RANBP2: variants seen among roughly 807,000 people sequenced by gnomAD.
RANBP2 encodes E3 SUMO-protein ligase RanBP2.
In RANBP2, 57 loss-of-function variants were observed where a neutral mutation model predicts 303.6. The ratio of observed to expected loss-of-function variants is 0.19; its 90% CI spans 0.15 to 0.23. The LOEUF is 0.23. RANBP2 is among the 10% of genes least tolerant of loss of function. The probability of loss-of-function intolerance (pLI) is 1.00; values close to 1 mark genes in which losing one functional copy is unlikely to be tolerated. For synonymous variants in RANBP2, 1,167 were observed against 1,301.5 expected (o/e 0.90, Z 2.23); for missense variants, 3,138 against 3,780.8 (o/e 0.83, Z 4.46).
At chr2:109,525,691 G>C in the RANBP2 span, among the ~76,000 whole-genome samples, 74 of 152,322 alleles carry the variant, frequency 4.9e-4, no homozygotes, top group African/African-American at 1.8e-3. Flanking sequence ...CCCATTTGTT[G>C]TAAGATGCCA....
chr2:109,659,526 G>T, the RANBP2 span, among the ~76,000 whole-genome samples: 2 of 152,234 alleles, frequency 1.3e-5, no homozygotes, highest in Admixed American at 1.3e-4. Flanking sequence ...TCAGTGGTTC[G>T]CATGGACGGT....
the RANBP2 span, among the ~76,000 whole-genome samples, chr2:109,608,765 A>G: frequency 6.6e-6 from 1 of 152,226 alleles, no homozygotes; most frequent in Non-Finnish European, 1.5e-5. Context: ...TAGTAGATAC[A>G]AATCCTAAAA....
At chr2:109,376,890 G>A in the RANBP2 span, among the ~76,000 whole-genome samples, 1 of 152,208 alleles carries the variant, frequency 6.6e-6, no homozygotes, top group Non-Finnish European at 1.5e-5. Flanking sequence ...AGTTTCCATG[G>A]TGAACAGTGA....
At chr2:108,892,117 C>T in the RANBP2 span, among the ~76,000 whole-genome samples, 1 of 152,064 alleles carries the variant, frequency 6.6e-6, no homozygotes, top group African/African-American at 2.4e-5. Context: ...GGGATGATGG[C>T]AGCTGTGCTA....
At chr2:109,243,141 C>G in the RANBP2 span, among the ~76,000 whole-genome samples, 14 of 152,370 alleles carry the variant, frequency 9.2e-5, no homozygotes, top group African/African-American at 3.4e-4. Flanking sequence ...TGGGAGCAGG[C>G]TATTGCCTTG....
chr2:109,630,064 G>A, the RANBP2 span, among the ~76,000 whole-genome samples: 21 of 152,238 alleles, frequency 1.4e-4, no homozygotes, highest in African/African-American at 4.8e-4. Context: ...ATGTGGGCTA[G>A]ACAGACAAAG....
the RANBP2 span, among the ~76,000 whole-genome samples, chr2:109,507,301 T>A: frequency 1.3e-5 from 2 of 152,186 alleles, no homozygotes; most frequent in African/African-American, 4.8e-5. Flanking sequence ...CGTCTTGGAA[T>A]CGGTCAGGAC....
At chr2:109,654,749 A>C in the RANBP2 span, among the ~76,000 whole-genome samples, 3 of 152,180 alleles carry the variant, frequency 2.0e-5, no homozygotes, top group Admixed American at 6.5e-5. Context: ...CAATCAGGGC[A>C]GGGAATACAC....
At chr2:109,087,408 C>T in the RANBP2 span, among the ~76,000 whole-genome samples, 14 of 152,142 alleles carry the variant, frequency 9.2e-5, no homozygotes, top group Middle Eastern at 3.2e-3. Context: ...TAGCAACGGA[C>T]GCGCCTGAGG....
rs1366621718 is a variant in RANBP2, at chr2:108,751,363, A to C, written c.1373A>C (p.Lys458Thr). The change falls in exon 10 of 29, where the codon AAA becomes ACA. Residue 458 changes from lysine (K) to threonine (T), a missense_variant. By Grantham distance (78) the Lys-to-Thr change is moderately conservative. This residue lies in a region of RANBP2 where 162 missense variants were observed against 286.9 expected (regional missense o/e 0.56). Coordinates refer to ENST00000283195, the MANE Select transcript of RANBP2 (RefSeq NM_006267.5). The stretch of plus-strand genomic sequence containing the variant: ...TTACCTGGAATCCGAAAATGGCTAA[A>C]ACAGCTTTTCCATCATTTGCCCCAT... The part of the protein sequence containing the change: ...PALPGIRKWL[K>T]QLFHHLPHET... The C allele has an allele frequency of 3.1e-6, 5 of 1,611,910 alleles. No homozygotes were observed. Among genetic ancestry groups the C allele is most frequent in the Non-Finnish European group, 4.2e-6 (5 of 1,179,860 alleles).
chr2:109,763,571 A>C, the RANBP2 span, among the ~76,000 whole-genome samples: 1 of 149,810 alleles, frequency 6.7e-6, no homozygotes, highest in Admixed American at 6.8e-5. Flanking sequence ...AAAATAACAA[A>C]GAGAGAGAGC....
chr2:109,492,430 C>T, the RANBP2 span, among the ~76,000 whole-genome samples: 2 of 152,106 alleles, frequency 1.3e-5, no homozygotes, highest in South Asian at 2.1e-4. Context: ...GTCGCATGTA[C>T]ACCTGCTGTT....
the RANBP2 span, among the ~76,000 whole-genome samples, chr2:109,695,096 A>C: frequency 6.6e-6 from 1 of 152,024 alleles, no homozygotes; most frequent in Non-Finnish European, 1.5e-5. Context: ...AGAGTTTTAA[A>C]ATTTCATTTC....
the RANBP2 span, among the ~76,000 whole-genome samples, chr2:109,644,679 ACT>A: frequency 6.6e-6 from 1 of 152,164 alleles, no homozygotes; most frequent in African/African-American, 2.4e-5. Context: ...CATGTGAAAC[ACT>A]GTTTTCCCGG....
chr2:109,437,196 T>C, the RANBP2 span: 3 of 1,550,888 alleles, frequency 1.9e-6, no homozygotes, highest in African/African-American at 2.7e-5. Context: ...GGGGGCTTCC[T>C]GGGACATGCT....
the RANBP2 span, among the ~76,000 whole-genome samples, chr2:109,563,228 C>A: frequency 4.2e-4 from 64 of 152,254 alleles, 2 homozygotes; most frequent in African/African-American, 1.5e-3. Context: ...ATATACAATT[C>A]TTAATTCATT....
At chr2:109,433,177 GTGTA>G in the RANBP2 span, among the ~76,000 whole-genome samples, 2 of 152,210 alleles carry the variant, frequency 1.3e-5, no homozygotes, top group African/African-American at 4.8e-5. Flanking sequence ...TACAGCATGT[GTGTA>G]TGCAGTGTGT....
chr2:109,238,750 A>T, the RANBP2 span, among the ~76,000 whole-genome samples: 2 of 152,148 alleles, frequency 1.3e-5, no homozygotes, highest in African/African-American at 4.8e-5. Flanking sequence ...CAGCTGCTAC[A>T]TGCTTGCATC....
the RANBP2 span, among the ~76,000 whole-genome samples, chr2:109,296,582 G>A: frequency 6.6e-6 from 1 of 152,124 alleles, no homozygotes; most frequent in Admixed American, 6.5e-5. Context: ...CATGATTCCT[G>A]CCCCTCCTTA....
Sources: allele counts gnomAD v4.1 joint callset (sites outside exome capture counted in the v4.1 genomes callset), GRCh38; gene constraint gnomAD v4.1.1; regional missense constraint gnomAD v4.1.1; transcripts MANE v1.5; gene names NCBI Gene and HGNC (gene_info 2026-07-23, HGNC 2026-07-21).